The following KDM4B variants were observed in gnomAD, a reference collection of about 807,000 sequenced individuals.
KDM4B encodes the protein lysine-specific demethylase 4B.
A neutral mutation model predicts 125.2 loss-of-function variants in KDM4B; 32 were observed. The observed-to-expected ratio is 0.26, with a 90% CI of 0.19 to 0.34. The LOEUF (loss-of-function observed/expected upper bound fraction) is 0.34. Among genes scored for constraint, KDM4B ranks in the 10% least tolerant of loss-of-function variants. KDM4B has a pLI of 1.00. For missense variants in KDM4B, 1,190 were observed against 1,577.7 expected (o/e 0.75, Z 4.16); for synonymous variants, 721 against 677.9 (o/e 1.06, Z -0.99).
intron 18 of KDM4B, among the ~76,000 whole-genome samples, chr19:5,143,689 C>T (rs2039785796): frequency 6.6e-6 from 1 of 152,094 alleles, no homozygotes; most frequent in South Asian, 2.1e-4. Context: ...AGAGGACTCC[C>T]CGGGGGCTGA....
intron 9 of KDM4B, among the ~76,000 whole-genome samples, chr19:5,107,368 G>A (rs1298187319): frequency 6.6e-6 from 1 of 152,250 alleles, no homozygotes; most frequent in Non-Finnish European, 1.5e-5. Flanking sequence ...AGTGCTGACA[G>A]AGGACCACCA....
Position 5,114,065 on chromosome 19 carries a change from C to T in KDM4B, c.1115+3247C>T. ...GTCGCCTAAAACTGCAGCCTGGCTCCTGGCGGGTGCCCTCAGCCTCCCCAC... is the reference window on the plus strand; with the variant it reads ...GTCGCCTAAAACTGCAGCCTGGCTCTTGGCGGGTGCCCTCAGCCTCCCCAC... On this transcript the variant is annotated intron_variant, in intron 10 of 22. Transcript: ENST00000159111. This position sits in a 1 kb window ranked among gnomAD's most constrained non-coding sequence, Gnocchi z 5.8. The T allele has an allele frequency of 1.6e-6, 2 of 1,288,906 alleles. No individual in the cohort carries two copies. Among genetic ancestry groups the T allele is most frequent in the Non-Finnish European group, 2.0e-6 (2 of 988,396 alleles). The allele number at this position is 1,288,906 out of a possible 1,614,324, so 79.8% of individuals were successfully genotyped here.
rs1264577786 is a variant in KDM4B at position 5,142,250 on chromosome 19, G to A, written c.2551-1717G>A. Among the ~76,000 whole-genome samples, 1 of 152,062 alleles carries A rather than the reference G, an allele frequency of 6.6e-6. No homozygotes were observed. Among genetic ancestry groups the A allele is most frequent in the Admixed American group, 6.5e-5 (1 of 15,284 alleles). On this transcript the variant is annotated intron_variant, in intron 18 of 22. Transcript: ENST00000159111. This position sits in a 1 kb window ranked among gnomAD's most constrained non-coding sequence, Gnocchi z 5.4. ...CACGGGCCGTAGACCCTGACTCCCCGGCACACACTGGCCTGGGCCAGGCCA... is the reference window on the plus strand; with the variant it reads ...CACGGGCCGTAGACCCTGACTCCCCAGCACACACTGGCCTGGGCCAGGCCA...
chr19:5,034,247 C>T (rs2036546583), intron 3 of KDM4B, among the ~76,000 whole-genome samples: 1 of 152,144 alleles, frequency 6.6e-6, no homozygotes, highest in African/African-American at 2.4e-5. Context: ...CAGTGCTCAC[C>T]CCTCAGTTTG....
chr19:5,023,758 A>ATTTTTTTTT (rs148293792), intron 2 of KDM4B, among the ~76,000 whole-genome samples: 2 of 89,120 alleles, frequency 2.2e-5, no homozygotes, highest in Admixed American at 1.5e-4. Flanking sequence ...GTCTTTTTGA[A>ATTTTTTTTT]TTTTTTTTTT....
At chr19:5,040,060 C>T in intron 4 of KDM4B, 49 bp downstream of exon 4, 3 of 1,549,872 alleles carry the variant, frequency 1.9e-6, no homozygotes, top group Non-Finnish European at 1.8e-6. Context: ...CGGGGGCACA[C>T]CTGCTCATGG....
At chr19:5,031,677 C>T (rs897831740) in intron 2 of KDM4B, among the ~76,000 whole-genome samples, 15 of 152,324 alleles carry the variant, frequency 9.8e-5, no homozygotes, top group African/African-American at 2.4e-4. Context: ...GGCCAGGGGG[C>T]GACCTCGGCT....
chr19:5,083,148 C>T (rs1192106988), intron 9 of KDM4B, among the ~76,000 whole-genome samples: 5 of 152,158 alleles, frequency 3.3e-5, no homozygotes, highest in African/African-American at 7.2e-5. Flanking sequence ...CTCAGAAGGC[C>T]GATTATTGGC....
At chr19:5,023,691 G>GCC (rs935224991) in intron 2 of KDM4B, among the ~76,000 whole-genome samples, 1 of 151,498 alleles carries the variant, frequency 6.6e-6, no homozygotes, top group African/African-American at 2.4e-5. Context: ...GCTCGAGGGA[G>GCC]CCCCCACACT....
chr19:5,066,829 C>G (rs1302574887), intron 6 of KDM4B, among the ~76,000 whole-genome samples: 1 of 152,172 alleles, frequency 6.6e-6, no homozygotes, highest in Non-Finnish European at 1.5e-5. Context: ...GTACAGCATT[C>G]CAGAACAGAG....
rs563063832 is a variant in KDM4B at position 5,035,631 on chromosome 19, C to T, written c.141+2600C>T. ...GCTGCTTCAGGTTTCTGCACTCCCC[C>T]CAGGCCAGTTCCCCCGAGATTCTTG... On this transcript the variant is annotated intron_variant, in intron 3 of 22. Coordinates refer to ENST00000159111, the MANE Select transcript of KDM4B (RefSeq NM_015015.3). The surrounding 1 kb of genome is among the most constrained non-coding windows in gnomAD (Gnocchi z 5.3). Among the ~76,000 whole-genome samples the T allele has an allele frequency of 6.6e-6, 1 of 152,142 alleles. No individual in the cohort carries two copies. Among genetic ancestry groups the T allele is most frequent in the South Asian group, 2.1e-4 (1 of 4,812 alleles).
At chr19:5,090,363 CTCATCTCTCTCT>C (rs1568291435) in intron 9 of KDM4B, among the ~76,000 whole-genome samples, 3 of 132,816 alleles carry the variant, frequency 2.3e-5, no homozygotes, top group African/African-American at 5.9e-5. Flanking sequence ...TCTCTCTCTC[CTCATCTCTCTCT>C]CCCCCCATAT....
At chr19:5,036,835 C>T (rs1478333336) in intron 3 of KDM4B, among the ~76,000 whole-genome samples, 2 of 152,258 alleles carry the variant, frequency 1.3e-5, no homozygotes, top group Non-Finnish European at 2.9e-5. Flanking sequence ...CTTCTGTCCT[C>T]TTCCGCCCTG....
At chr19:5,105,306 GCAACAGA>G (rs2145967458) in intron 9 of KDM4B, among the ~76,000 whole-genome samples, 1 of 152,386 alleles carries the variant, frequency 6.6e-6, no homozygotes, top group South Asian at 2.1e-4. Flanking sequence ...GCCCATGTCT[GCAACAGA>G]CACACCTGCG....
chr19:5,022,784 C>T (rs1347586334), intron 2 of KDM4B, among the ~76,000 whole-genome samples: 1 of 151,806 alleles, frequency 6.6e-6, no homozygotes, highest in Non-Finnish European at 1.5e-5. Flanking sequence ...GGCAGAGGTG[C>T]TCAGTTTACC....
chr19:4,992,566 G>C (rs1172275069), intron 1 of KDM4B, among the ~76,000 whole-genome samples: 1 of 151,962 alleles, frequency 6.6e-6, no homozygotes, highest in East Asian at 1.9e-4. Context: ...TCCCACCTCA[G>C]CCCACCAAGT....
intron 9 of KDM4B, among the ~76,000 whole-genome samples, chr19:5,087,902 G>T (rs940956680): frequency 6.6e-6 from 1 of 152,200 alleles, no homozygotes; most frequent in African/African-American, 2.4e-5. Flanking sequence ...CTGGACGGGG[G>T]CTGGGCTGTT....
rs953783261 is a variant in KDM4B at position 5,114,978 on chromosome 19, T to C, written c.1115+4160T>C. ...AAGCCTGGCAGGCTAAGTGCTTATT[T>C]ATCTCCACTCTCTCCTGAAACGCCA... On this transcript the variant is annotated intron_variant, in intron 10 of 22. Coordinates refer to ENST00000159111, the MANE Select transcript of KDM4B (RefSeq NM_015015.3). The surrounding 1 kb of genome is among the most constrained non-coding windows in gnomAD (Gnocchi z 5.8). Among the ~76,000 whole-genome samples the C allele has an allele frequency of 3.3e-5, 5 of 152,228 alleles. No homozygotes were observed. The highest frequency in any genetic ancestry group is 5.9e-5 in the Non-Finnish European group (4 of 68,044).
At chr19:5,047,776 G>A (rs1475032836) in intron 6 of KDM4B, 107 bp downstream of exon 6, 18 of 1,106,958 alleles carry the variant, frequency 1.6e-5, no homozygotes, top group Middle Eastern at 5.8e-4. Flanking sequence ...CACCAGGTGA[G>A]GCCGCAAAGG....
Sources: gnomAD v4.1 joint callset for allele counts (sites outside exome capture counted in the v4.1 genomes callset) on GRCh38, gnomAD v4.1.1 for gene constraint, Gnocchi (gnomAD v3.1) non-coding constraint, MANE v1.5 for transcripts, NCBI Gene and HGNC (gene_info 2026-07-23, HGNC 2026-07-21) for gene names.